ZCWPW2: variants seen among roughly 807,000 people sequenced by gnomAD.
The protein encoded by ZCWPW2 is zinc finger CW-type PWWP domain protein 2.
A neutral mutation model predicts 46.6 loss-of-function variants in ZCWPW2; 45 were observed. That is an observed-to-expected ratio of 0.96 (90% confidence interval 0.76 to 1.24). The LOEUF (loss-of-function observed/expected upper bound fraction) is 1.24, where lower values mean the gene tolerates loss of function less well. Among genes scored for constraint, ZCWPW2 ranks in the 50% most tolerant of loss-of-function variants. The pLI is 0.00. For missense variants in ZCWPW2, 429 were observed against 403.9 expected (o/e 1.06, Z -0.53); for synonymous variants, 152 against 137.1 (o/e 1.11, Z -0.76).
At chr3:28,500,232 A>G (rs959547129) in intron 6 of ZCWPW2, among the ~76,000 whole-genome samples, 1 of 152,096 alleles carries the variant, frequency 6.6e-6, no homozygotes, top group Admixed American at 6.6e-5. Context: ...AGTTTACATC[A>G]TAATTTGTTG....
intron 3 of ZCWPW2, among the ~76,000 whole-genome samples, chr3:28,421,546 G>A (rs530807565): frequency 5.1e-4 from 77 of 152,178 alleles, no homozygotes; most frequent in Non-Finnish European, 9.4e-4. Context: ...TGGCTAAAAA[G>A]AGCAGGCTTC....
intron 6 of ZCWPW2, among the ~76,000 whole-genome samples, chr3:28,505,316 G>T (rs980908050): frequency 1.3e-5 from 2 of 152,118 alleles, no homozygotes; most frequent in African/African-American, 4.8e-5. Flanking sequence ...GCCAGGGACT[G>T]GTCTCTCACA....
intron 6 of ZCWPW2, among the ~76,000 whole-genome samples, chr3:28,507,926 T>G (rs1409588973): frequency 2.0e-5 from 3 of 152,140 alleles, no homozygotes; most frequent in African/African-American, 4.8e-5. Flanking sequence ...GTGTTTTCAC[T>G]TTGTACATTT....
intron 1 of ZCWPW2, among the ~76,000 whole-genome samples, chr3:28,388,461 T>C (rs773313468): frequency 1.3e-5 from 2 of 152,134 alleles, no homozygotes; most frequent in African/African-American, 2.4e-5. Context: ...ACACTAATCC[T>C]TTTTCCAGAA....
At chr3:28,443,911 C>T (rs897845124) in intron 4 of ZCWPW2, among the ~76,000 whole-genome samples, 4 of 151,920 alleles carry the variant, frequency 2.6e-5, no homozygotes, top group African/African-American at 9.7e-5. Flanking sequence ...CCATCCCAAT[C>T]TCCCTAAGCC....
intron 3 of ZCWPW2, among the ~76,000 whole-genome samples, chr3:28,423,139 C>T (rs1057403768): frequency 1.3e-5 from 2 of 152,006 alleles, no homozygotes; most frequent in African/African-American, 4.8e-5. Context: ...AATATTTTCT[C>T]CCACTCTGTG....
rs773901720 is a variant in ZCWPW2, at chr3:28,478,193, G to A, written c.493-621G>A. ...AGGTTTAAGAAATTTGTATGCATAT[G>A]TTAATATCTGCTGTAACACTAAAAC... is the stretch of plus-strand genomic sequence containing the variant. On this transcript the variant is annotated intron_variant, in intron 4 of 9. Transcript: ENST00000383768. 5.0e-4 allele frequency: 90 copies of A among 181,814 alleles called. 1 individual carries two copies. Among genetic ancestry groups the A allele is most frequent in the South Asian group, 6.4e-4 (8 of 12,450 alleles). 11.3% of individuals were successfully genotyped at this position (181,814 alleles called of 1,614,324 possible).
chr3:28,463,126 T>G (rs1698703007), intron 4 of ZCWPW2, among the ~76,000 whole-genome samples: 1 of 152,332 alleles, frequency 6.6e-6, no homozygotes, highest in South Asian at 2.1e-4. Flanking sequence ...AAAATAATCT[T>G]ATTTATATTC....
At chr3:28,413,523 C>G in intron 3 of ZCWPW2, 123 bp downstream of exon 3, 1 of 814,994 alleles carries the variant, frequency 1.2e-6, no homozygotes, top group South Asian at 2.8e-5. Context: ...TATCATTGCT[C>G]TTTTCCATAC....
chr3:28,354,431 G>A (rs7628073), intron 1 of ZCWPW2, among the ~76,000 whole-genome samples: 4,134 of 141,138 alleles, frequency 0.029, 464 homozygotes, highest in African/African-American at 0.093. Context: ...GGTACAAAGA[G>A]GAGCTGGTAC....
chr3:28,398,696 C>T (rs113362887), intron 2 of ZCWPW2, among the ~76,000 whole-genome samples: 6 of 152,198 alleles, frequency 3.9e-5, no homozygotes, highest in Non-Finnish European at 8.8e-5. Flanking sequence ...ATCTAGATTA[C>T]GGGAGGAGAT....
chr3:28,432,747 T>C (rs1314767642), intron 3 of ZCWPW2, among the ~76,000 whole-genome samples: 1 of 152,154 alleles, frequency 6.6e-6, no homozygotes, highest in Admixed American at 6.6e-5. Flanking sequence ...TAATACTAAG[T>C]ATTTAAGAAA....
At chr3:28,515,306 A>G (rs1226622758) in intron 7 of ZCWPW2, among the ~76,000 whole-genome samples, 1 of 152,180 alleles carries the variant, frequency 6.6e-6, no homozygotes, top group African/African-American at 2.4e-5. Flanking sequence ...GAGGAGGATT[A>G]TGAAAAAGCC....
At chr3:28,452,450 C>A (rs971764916) in intron 4 of ZCWPW2, among the ~76,000 whole-genome samples, 1 of 152,028 alleles carries the variant, frequency 6.6e-6, no homozygotes, top group Non-Finnish European at 1.5e-5. Context: ...TGCCTGCCAC[C>A]GTGCCTGGCT....
Position 28,390,565 on chromosome 3 carries a change from G to A in ZCWPW2, c.-66G>A. 1 of 985,302 alleles carries A rather than the reference G, an allele frequency of 1.0e-6. No homozygotes were observed. 61.0% of individuals were successfully genotyped at this position (985,302 alleles called of 1,614,324 possible). On this transcript the variant is annotated 5_prime_UTR_variant, in exon 2 of 10. Coordinates refer to ENST00000383768, the MANE Select transcript of ZCWPW2 (RefSeq NM_001040432.4). ...CTCACTTCCCTTCTCTGGAGTTTTG[G>A]AGTCTATTTTCTTCATGGAATTTTG...
rs1697611217 is a variant in ZCWPW2 at position 28,439,042 on chromosome 3, A to AG, written c.492+3773_492+3774insG. 4.8e-3 allele frequency among the ~76,000 whole-genome samples: 3 copies of AG among 628 alleles called. No individual in the cohort carries two copies. The East Asian group carries it at 0.12, about 26-fold the overall frequency. 0.4% of individuals were successfully genotyped at this position (628 alleles called of 152,430 possible). ...ATAGTATATATATATCCTAGTATATATCTATGGTGTGTGTGTGTATATATA... is the reference window on the plus strand; with the variant it reads ...ATAGTATATATATATCCTAGTATATAGTCTATGGTGTGTGTGTGTATATATA... On this transcript the variant is annotated intron_variant, in intron 4 of 9. Coordinates refer to ENST00000383768, the MANE Select transcript of ZCWPW2 (RefSeq NM_001040432.4).
At chr3:28,379,302 G>A (rs1705594835) in intron 1 of ZCWPW2, among the ~76,000 whole-genome samples, 2 of 152,006 alleles carry the variant, frequency 1.3e-5, no homozygotes, top group Non-Finnish European at 2.9e-5. Context: ...TGAGGAATAT[G>A]GTCTAGAATG....
chr3:28,488,998 A>C (rs929224610), intron 5 of ZCWPW2, among the ~76,000 whole-genome samples: 1 of 152,204 alleles, frequency 6.6e-6, no homozygotes, highest in Non-Finnish European at 1.5e-5. Flanking sequence ...TTGAAAATCA[A>C]CGTGGTTGTT....
chr3:28,466,173 T>C (rs1225921750), intron 4 of ZCWPW2, among the ~76,000 whole-genome samples: 2 of 152,130 alleles, frequency 1.3e-5, no homozygotes, highest in African/African-American at 4.8e-5. Flanking sequence ...CAGGGCCTAC[T>C]TGAGGCAATC....
Sources: gnomAD v4.1 joint callset for allele counts (sites outside exome capture counted in the v4.1 genomes callset) on GRCh38, gnomAD v4.1.1 for gene constraint, MANE v1.5 for transcripts, NCBI Gene and HGNC (gene_info 2026-07-23, HGNC 2026-07-21) for gene names.